Variants in CDH12 observed in about 807,000 individuals in gnomAD.
The protein encoded by CDH12 is cadherin-12.
Under a neutral mutation model 74.1 loss-of-function variants are expected in CDH12, and 41 were observed. The observed-to-expected ratio is 0.55, with a 90% CI of 0.43 to 0.72. CDH12 has a LOEUF of 0.72. CDH12 is among the 30% of genes least tolerant of loss of function. CDH12 has a pLI of 0.00. For missense variants in CDH12, 945 were observed against 977.2 expected (o/e 0.97, Z 0.44); for synonymous variants, 399 against 355.0 (o/e 1.12, Z -1.39).
At chr5:21,756,447 GAC>G (rs1382023567) in intron 13 of CDH12, among the ~76,000 whole-genome samples, 2 of 152,086 alleles carry the variant, frequency 1.3e-5, no homozygotes, top group Non-Finnish European at 2.9e-5. Flanking sequence ...CTATAACAAT[GAC>G]TACTTTAATA....
At chr5:22,722,549 G>A (rs1384710568) in intron 1 of CDH12, among the ~76,000 whole-genome samples, 1 of 152,028 alleles carries the variant, frequency 6.6e-6, no homozygotes, top group Non-Finnish European at 1.5e-5. Flanking sequence ...CTCATGTCAG[G>A]GCAGAATCAA....
chr5:22,852,240 G>T (rs1350667603), intron 1 of CDH12, among the ~76,000 whole-genome samples: 15 of 152,080 alleles, frequency 9.9e-5, no homozygotes, highest in Admixed American at 7.9e-4. Context: ...AGAGATATCA[G>T]GTACTCTGAA....
chr5:22,405,503 T>C (rs1223997095), intron 2 of CDH12, among the ~76,000 whole-genome samples, 152 bp from the exon 3 acceptor site: 1 of 152,106 alleles, frequency 6.6e-6, no homozygotes, highest in Non-Finnish European at 1.5e-5. Context: ...CAAAGAAGAT[T>C]TCTCTAAACA....
Position 22,616,709 on chromosome 5 carries a change from G to A in CDH12, c.-522-111345C>T, listed in dbSNP as rs562221740. The stretch of plus-strand genomic sequence containing the variant: ...GAAAGGGGAGGGTAAAGGAGGGAGG[G>A]GATGGATGGTGAGTGCTATGATCTG... On this transcript the variant is annotated intron_variant, in intron 1 of 14. Coordinates refer to ENST00000382254, the MANE Select transcript of CDH12 (RefSeq NM_004061.5). Among the ~76,000 whole-genome samples the A allele has an allele frequency of 3.9e-5, 6 of 152,032 alleles. No homozygotes were observed. The East Asian group carries it at 9.7e-4, about 25-fold the overall frequency.
At chr5:22,560,204 T>C (rs1449353760) in intron 1 of CDH12, among the ~76,000 whole-genome samples, 1 of 152,178 alleles carries the variant, frequency 6.6e-6, no homozygotes, top group Non-Finnish European at 1.5e-5. Context: ...TCCAAAAATA[T>C]TAATTGGGAA....
chr5:21,871,206 TGA>T (rs1343923053), intron 6 of CDH12, among the ~76,000 whole-genome samples: 1 of 152,186 alleles, frequency 6.6e-6, no homozygotes, highest in Non-Finnish European at 1.5e-5. Context: ...CTGCATAGCT[TGA>T]CATTGTGATT....
intron 1 of CDH12, among the ~76,000 whole-genome samples, chr5:22,611,427 T>C (rs1424579334): frequency 1.3e-5 from 2 of 152,168 alleles, no homozygotes; most frequent in Non-Finnish European, 2.9e-5. Context: ...CCTGTTATCT[T>C]GGTCTTTGTA....
At chr5:22,351,668 A>T (rs906753948) in intron 3 of CDH12, among the ~76,000 whole-genome samples, 14 of 152,240 alleles carry the variant, frequency 9.2e-5, no homozygotes, top group African/African-American at 3.1e-4. Context: ...TGCAGAATTT[A>T]TCATGAAAAT....
At chr5:22,630,546 A>T (rs1738532146) in intron 1 of CDH12, among the ~76,000 whole-genome samples, 1 of 152,216 alleles carries the variant, frequency 6.6e-6, no homozygotes, top group Admixed American at 6.5e-5. Flanking sequence ...CGGTGAAAGA[A>T]CTACCTATTC....
In CDH12 at chr5:22,148,482, A is replaced by G. The variant is rs377715546; in HGVS notation, c.-187+64016T>C. Reference sequence around the variant, plus strand: ...GGTGGGAATGCATTTGAAGAGATCTATATTAATTTTCTAAGGCTGCCATAG... The same window carrying G: ...GGTGGGAATGCATTTGAAGAGATCTGTATTAATTTTCTAAGGCTGCCATAG... On this transcript the variant is annotated intron_variant, in intron 4 of 14. Coordinates refer to ENST00000382254, the MANE Select transcript of CDH12 (RefSeq NM_004061.5). Among the ~76,000 whole-genome samples the G allele has an allele frequency of 4.6e-5, 7 of 152,004 alleles. No individual in the cohort carries two copies. The East Asian group carries it at 1.2e-3, about 25-fold the overall frequency.
intron 2 of CDH12, among the ~76,000 whole-genome samples, chr5:22,437,655 C>A (rs1356332869): frequency 6.6e-6 from 1 of 151,510 alleles, no homozygotes; most frequent in Non-Finnish European, 1.5e-5. Flanking sequence ...TAATGTGGGG[C>A]TTTTAAAATT....
chr5:21,757,990 T>C (rs1170616739), intron 13 of CDH12, among the ~76,000 whole-genome samples: 2 of 152,186 alleles, frequency 1.3e-5, no homozygotes, highest in African/African-American at 2.4e-5. Flanking sequence ...CTCCCTATGA[T>C]ATATTTTCCA....
intron 3 of CDH12, among the ~76,000 whole-genome samples, chr5:22,314,827 A>G (rs1738542882): frequency 6.6e-6 from 1 of 151,536 alleles, no homozygotes; most frequent in Non-Finnish European, 1.5e-5. Context: ...CAAGGTCATT[A>G]GGGTTAGAAT....
intron 3 of CDH12, among the ~76,000 whole-genome samples, chr5:22,356,246 C>G (rs1445344603): frequency 6.6e-6 from 1 of 152,070 alleles, no homozygotes; most frequent in African/African-American, 2.4e-5. Flanking sequence ...CAAATAACAA[C>G]CTATGAAACC....
At chr5:22,297,273 G>A (rs1327273728) in intron 3 of CDH12, among the ~76,000 whole-genome samples, 4 of 151,966 alleles carry the variant, frequency 2.6e-5, no homozygotes, top group Admixed American at 1.3e-4. Flanking sequence ...TGCCCACCTC[G>A]GCCTCCCAAA....
At chr5:21,848,912 A>G (rs921080307) in intron 7 of CDH12, among the ~76,000 whole-genome samples, 12 of 151,778 alleles carry the variant, frequency 7.9e-5, no homozygotes, top group African/African-American at 2.9e-4. Context: ...CTACTTGATG[A>G]TCTACTTGAT....
chr5:22,483,498 G>A (rs981385971), intron 2 of CDH12, among the ~76,000 whole-genome samples: 3 of 151,320 alleles, frequency 2.0e-5, no homozygotes, highest in African/African-American at 4.9e-5. Context: ...AGCCTTTTAA[G>A]TGATAGATAG....
chr5:22,273,692 A>G (rs1736504821), intron 3 of CDH12, among the ~76,000 whole-genome samples: 1 of 152,186 alleles, frequency 6.6e-6, no homozygotes, highest in East Asian at 1.9e-4. Context: ...CTGAGCTGGT[A>G]AAGTTATCAA....
intron 6 of CDH12, among the ~76,000 whole-genome samples, chr5:21,959,975 T>A (rs1756282835): frequency 6.8e-6 from 1 of 146,268 alleles, no homozygotes. Flanking sequence ...TGATGAAGGG[T>A]TTTACTCAAC....
Sources: gnomAD v4.1 joint callset for allele counts (sites outside exome capture counted in the v4.1 genomes callset) on GRCh38, gnomAD v4.1.1 for gene constraint, MANE v1.5 for transcripts, NCBI Gene and HGNC (gene_info 2026-07-23, HGNC 2026-07-21) for gene names.